Variants in MBOAT1 observed in about 807,000 individuals in gnomAD.
The protein encoded by MBOAT1 is membrane-bound glycerophospholipid O-acyltransferase 1.
MBOAT1 carries 67 observed loss-of-function variants against 64.4 expected under a neutral mutation model. That is an observed-to-expected ratio of 1.04 (90% CI 0.85 to 1.27). MBOAT1 has a LOEUF of 1.27. Among genes scored for constraint, MBOAT1 ranks in the 50% most tolerant of loss-of-function variants. The pLI, the probability that MBOAT1 is intolerant of heterozygous loss-of-function variation, is 0.00. For missense variants in MBOAT1, 563 were observed against 604.6 expected, an observed-to-expected ratio of 0.93 and a Z score of 0.72; for synonymous variants, 229 against 218.9, an observed-to-expected ratio of 1.05 and a Z score of -0.41.
intron 1 of MBOAT1, among the ~76,000 whole-genome samples, chr6:20,162,752 T>C (rs1021030072): frequency 6.6e-6 from 1 of 152,210 alleles, no homozygotes; most frequent in South Asian, 2.1e-4. Context: ...TGCAGTGGCC[T>C]CTCAAGATCT....
intron 1 of MBOAT1, among the ~76,000 whole-genome samples, chr6:20,169,214 G>A (rs756736090): frequency 4.6e-5 from 7 of 152,120 alleles, no homozygotes; most frequent in Admixed American, 6.5e-5. Flanking sequence ...GCAGAACCAG[G>A]GCTATATTTT....
intron 2 of MBOAT1, among the ~76,000 whole-genome samples, chr6:20,151,509 G>T (rs371618694): frequency 6.6e-6 from 1 of 152,158 alleles, no homozygotes. Flanking sequence ...TAAATGGAAC[G>T]CTTACACTTT....
In MBOAT1 at chr6:20,131,193, C is replaced by G; in HGVS notation, c.426G>C (p.Leu142=). 1 of 1,613,782 alleles carries G rather than the reference C, an allele frequency of 6.2e-7. No individual in the cohort carries two copies. Among genetic ancestry groups the G allele is most frequent in the Non-Finnish European group, 8.5e-7 (1 of 1,179,724 alleles). The change falls in exon 5 of 13, where the codon CTG becomes CTC. Residue 142 remains leucine, a synonymous_variant. Transcript: ENST00000324607. ...GILTTDFSGP[L]MIVTQKITTL... ...TTGTGATCTTCTGAGTGACAATCATCAGAGGCCTGGAAGGAAGACAGAAAA... is the reference window on the plus strand; with the variant it reads ...TTGTGATCTTCTGAGTGACAATCATGAGAGGCCTGGAAGGAAGACAGAAAA...
chr6:20,126,462 TAG>T (rs1185535783), intron 7 of MBOAT1, 53 bp downstream of exon 7: 2 of 1,448,744 alleles, frequency 1.4e-6, no homozygotes, highest in East Asian at 2.3e-5. Context: ...GAACCATTAT[TAG>T]AGAGAGTCAA....
chr6:20,155,992 A>G (rs1264524925), intron 1 of MBOAT1, among the ~76,000 whole-genome samples: 3 of 152,126 alleles, frequency 2.0e-5, no homozygotes, highest in African/African-American at 7.2e-5. Flanking sequence ...TTTAGGGTCC[A>G]GCGCGGTGGC....
chr6:20,102,206 AC>A lies in MBOAT1; in HGVS notation c.*79del. 7.0e-7 allele frequency: 1 copy of A among 1,431,870 alleles called. No individual in the cohort carries two copies. Among genetic ancestry groups the A allele is most frequent in the South Asian group, 1.3e-5 (1 of 77,172 alleles). 88.7% of individuals were successfully genotyped at this position (1,431,870 alleles called of 1,614,324 possible). ...TGCATGTAAACATCGCCTCTAAGCC[AC>A]CGGAGGAGCCCTTGAAGCCTTGTCA... is the stretch of plus-strand genomic sequence containing the variant. On this transcript the variant is annotated 3_prime_UTR_variant, in exon 13 of 13. Transcript: ENST00000324607.
At chr6:20,175,000 ACAGT>A (rs1012681682) in intron 1 of MBOAT1, among the ~76,000 whole-genome samples, 20 of 152,328 alleles carry the variant, frequency 1.3e-4, no homozygotes, top group African/African-American at 3.4e-4. Context: ...ATTTAATAAG[ACAGT>A]CAAGAAAGAA....
At chr6:20,141,879 G>A (rs1415355436) in intron 4 of MBOAT1, among the ~76,000 whole-genome samples, 2 of 152,090 alleles carry the variant, frequency 1.3e-5, no homozygotes, top group South Asian at 2.1e-4. Context: ...ACAAGGATGC[G>A]GGTAATAAAG....
chr6:20,124,496 G>A lies in MBOAT1; in HGVS notation c.819C>T (p.Val273=). The change falls in exon 8 of 13, where the codon GTC becomes GTT. Residue 273 remains valine (V), a synonymous_variant. Transcript: ENST00000324607. The part of the protein sequence containing the change: ...PVTCLVDDWF[V]HKASFPARLC... ...GTCGAGCCGGAAAGCTTGCTTTATG[G>A]ACAAACCAGTCATCCACAAGGCAGG... The A allele has an allele frequency of 6.2e-7, 1 of 1,614,176 alleles. No homozygotes were observed. The highest frequency in any genetic ancestry group is 8.5e-7 in the Non-Finnish European group (1 of 1,180,028).
chr6:20,149,688 G>A (rs1015833162), intron 3 of MBOAT1, among the ~76,000 whole-genome samples: 1 of 152,146 alleles, frequency 6.6e-6, no homozygotes, highest in Non-Finnish European at 1.5e-5. Flanking sequence ...AATTTTCAGA[G>A]CTCCTTTGGA....
At chr6:20,151,787 T>C (rs906398469) in intron 2 of MBOAT1, among the ~76,000 whole-genome samples, 3 of 152,200 alleles carry the variant, frequency 2.0e-5, no homozygotes, top group African/African-American at 7.2e-5. Flanking sequence ...CCCAGCTTAC[T>C]CGTAGAGGAA....
chr6:20,161,152 CATTAG>C (rs952483748), intron 1 of MBOAT1, among the ~76,000 whole-genome samples: 43 of 152,070 alleles, frequency 2.8e-4, no homozygotes, highest in African/African-American at 9.2e-4. Context: ...TCAGCAGCAG[CATTAG>C]ATTCTCATAG....
intron 1 of MBOAT1, among the ~76,000 whole-genome samples, chr6:20,155,612 A>G (rs1250129511): frequency 6.6e-6 from 1 of 152,236 alleles, no homozygotes; most frequent in Non-Finnish European, 1.5e-5. Flanking sequence ...TGGGAGGCCA[A>G]TAGGCTGAGT....
intron 8 of MBOAT1, among the ~76,000 whole-genome samples, chr6:20,119,710 A>C (rs1760436118): frequency 6.6e-6 from 1 of 152,216 alleles, no homozygotes; most frequent in Non-Finnish European, 1.5e-5. Flanking sequence ...TCCCGTCGCC[A>C]ACTGGATGGG....
At chr6:20,152,100 C>T (rs78774471) in intron 2 of MBOAT1, among the ~76,000 whole-genome samples, 2 of 151,960 alleles carry the variant, frequency 1.3e-5, no homozygotes, top group East Asian at 1.9e-4. Flanking sequence ...GCGGATGGAT[C>T]GCCTGAGCTC....
At chr6:20,149,023 C>T (rs1398830891) in intron 3 of MBOAT1, among the ~76,000 whole-genome samples, 2 of 151,366 alleles carry the variant, frequency 1.3e-5, no homozygotes, top group South Asian at 4.2e-4. Context: ...ATCACTTGAA[C>T]CCGGGAGGTG....
Position 20,104,114 on chromosome 6 carries a change from A to G in MBOAT1, c.1362-1702T>C, listed in dbSNP as rs1759883059. On this transcript the variant is annotated intron_variant, in intron 12 of 12. Transcript: ENST00000324607. ...AGTATTCAGTACGGTAACATACTGTACCGGTTTGCAGTCTATGAGCAGTAG... is the reference window on the plus strand; with the variant it reads ...AGTATTCAGTACGGTAACATACTGTGCCGGTTTGCAGTCTATGAGCAGTAG... Among the ~76,000 whole-genome samples the G allele has an allele frequency of 1.3e-5, 2 of 152,210 alleles. 1 individual carries two copies. The highest frequency in any genetic ancestry group is 4.1e-4 in the South Asian group (2 of 4,832).
chr6:20,176,725 A>T (rs1419752332), intron 1 of MBOAT1, among the ~76,000 whole-genome samples: 1 of 152,046 alleles, frequency 6.6e-6, no homozygotes, highest in Non-Finnish European at 1.5e-5. Context: ...CTGGGTTCAA[A>T]CAATTCTCAT....
At chr6:20,130,259 A>G (rs1474812074) in intron 5 of MBOAT1, among the ~76,000 whole-genome samples, 1 of 152,224 alleles carries the variant, frequency 6.6e-6, no homozygotes, top group African/African-American at 2.4e-5. Context: ...TGAACAATGT[A>G]AATCACACTT....
Sources: allele counts gnomAD v4.1 joint callset (sites outside exome capture counted in the v4.1 genomes callset), GRCh38; gene constraint gnomAD v4.1.1; transcripts MANE v1.5; gene names NCBI Gene and HGNC (gene_info 2026-07-23, HGNC 2026-07-21).